CHSY3: variants seen among roughly 807,000 people sequenced by gnomAD.
CHSY3 encodes N-acetylgalactosaminyl-proteoglycan 3-beta-glucuronosyltransferase 3.
CHSY3 carries 35 observed loss-of-function variants against 67.2 expected under a neutral mutation model. The ratio of observed to expected loss-of-function variants is 0.52; its 90% CI spans 0.40 to 0.69. The LOEUF (loss-of-function observed/expected upper bound fraction) is 0.69, where lower values mean the gene tolerates loss of function less well. CHSY3 is among the 30% of genes least tolerant of loss of function. CHSY3 has a pLI of 0.00. For missense variants in CHSY3, 1,069 were observed against 1,138.5 expected (o/e 0.94, Z 0.88); for synonymous variants, 474 against 434.7 (o/e 1.09, Z -1.12).
chr5:130,091,236 T>C (rs749367583), intron 2 of CHSY3, among the ~76,000 whole-genome samples: 25 of 152,284 alleles, frequency 1.6e-4, no homozygotes, highest in Non-Finnish European at 2.5e-4. Context: ...CCTTTTAGTA[T>C]GTAATTATCC....
intron 2 of CHSY3, among the ~76,000 whole-genome samples, chr5:129,998,968 A>G (rs1004172741): frequency 1.3e-5 from 2 of 152,004 alleles, no homozygotes; most frequent in Non-Finnish European, 2.9e-5. Flanking sequence ...CTTCTGTGTT[A>G]TTTGACATAC....
At chr5:130,089,614 T>C (rs1766807499) in intron 2 of CHSY3, among the ~76,000 whole-genome samples, 1 of 152,124 alleles carries the variant, frequency 6.6e-6, no homozygotes, top group Non-Finnish European at 1.5e-5. Context: ...AAATATTTGT[T>C]AAATTGCTGT....
At chr5:130,064,075 T>TA (rs1017190927) in intron 2 of CHSY3, among the ~76,000 whole-genome samples, 1 of 152,026 alleles carries the variant, frequency 6.6e-6, no homozygotes, top group Non-Finnish European at 1.5e-5. Flanking sequence ...CAGACTCTAA[T>TA]AAAAAAAGTA....
At chr5:130,156,639 G>A (rs1769381460) in intron 2 of CHSY3, among the ~76,000 whole-genome samples, 1 of 152,184 alleles carries the variant, frequency 6.6e-6, no homozygotes, top group South Asian at 2.1e-4. Flanking sequence ...TCCACTCAGT[G>A]CTCAAAGAGG....
rs542005886 is a variant in CHSY3, at chr5:129,948,313, C to T, written c.1086+39953C>T. The stretch of plus-strand genomic sequence containing the variant: ...AGTAGTATATGTTATACCCACTTTA[C>T]GGTCTTTATCCCTCACCCCTCCTTC... On this transcript the variant is annotated intron_variant, in intron 2 of 2. Transcript: ENST00000305031. 2.0e-4 allele frequency among the ~76,000 whole-genome samples: 31 copies of T among 152,232 alleles called. No homozygotes were observed. In the South Asian group the frequency reaches 5.2e-3, roughly 25 times the overall value.
chr5:129,986,251 T>G (rs985826507), intron 2 of CHSY3, among the ~76,000 whole-genome samples: 1 of 152,208 alleles, frequency 6.6e-6, no homozygotes, highest in Non-Finnish European at 1.5e-5. Flanking sequence ...TGTTGAATTT[T>G]AGCTAAAGCC....
intron 2 of CHSY3, among the ~76,000 whole-genome samples, chr5:130,177,297 T>A: frequency 6.6e-6 from 1 of 151,934 alleles, no homozygotes; most frequent in Non-Finnish European, 1.5e-5. Context: ...GGGTTTTCTG[T>A]CAATTTATTT....
intron 2 of CHSY3, among the ~76,000 whole-genome samples, chr5:130,086,273 G>C (rs1645315518): frequency 6.6e-6 from 1 of 152,024 alleles, no homozygotes; most frequent in South Asian, 2.1e-4. Context: ...CTCAGGACTT[G>C]CTTTATGAAT....
chr5:130,051,806 G>A (rs1765365715), intron 2 of CHSY3, among the ~76,000 whole-genome samples: 1 of 152,050 alleles, frequency 6.6e-6, no homozygotes, highest in African/African-American at 2.4e-5. Flanking sequence ...ATTGTGAATG[G>A]ACTTGTAAAC....
chr5:129,921,950 T>C (rs1354765856), intron 2 of CHSY3, among the ~76,000 whole-genome samples: 1 of 152,158 alleles, frequency 6.6e-6, no homozygotes, highest in African/African-American at 2.4e-5. Flanking sequence ...TCATTCTATC[T>C]AACTGTATTT....
At chr5:129,904,219 G>A (rs372267671), upstream of CHSY3, among the ~76,000 whole-genome samples, 1 of 151,982 alleles carries the variant, frequency 6.6e-6, no homozygotes, top group African/African-American at 2.4e-5. Flanking sequence ...GCTGCAAGCC[G>A]GAGGCGGCCC....
At position 129,905,065 on chromosome 5, in the gene CHSY3, C is replaced by T; in HGVS notation, c.236C>T (p.Ala79Val). 2 of 1,546,276 alleles carry T rather than the reference C, an allele frequency of 1.3e-6. No individual in the cohort carries two copies. The highest frequency in any genetic ancestry group is 1.7e-6 in the Non-Finnish European group (2 of 1,152,354). The change falls in exon 1 of 3, where the codon GCG becomes GTG. Residue 79 changes from alanine (A) to valine (V), a missense_variant. Physicochemically the swap from Ala to Val is moderately conservative, Grantham distance 64. Transcript: ENST00000305031. ...CGGCAGGAGCAGTCGCCGCCCCCCG[C>T]GCGCCAGGATCTCCAGGGGCCACCG... The part of the protein sequence containing the change: ...RPRQEQSPPP[A>V]RQDLQGPPLP...
In CHSY3 at chr5:129,987,985, T is replaced by C. The variant is rs141998597; in HGVS notation, c.1086+79625T>C. ...TTCTTGCAGTGTGCCATGATATTTA[T>C]AAGTATTAAAATTTTTTAGGTACCT... On this transcript the variant is annotated intron_variant, in intron 2 of 2. Coordinates refer to ENST00000305031, the MANE Select transcript of CHSY3 (RefSeq NM_175856.5). 1.2e-3 allele frequency among the ~76,000 whole-genome samples: 186 copies of C among 152,278 alleles called. 1 individual carries two copies. Among genetic ancestry groups the C allele is most frequent in the African/African-American group, 4.3e-3 (180 of 41,570 alleles).
At chr5:130,030,389 T>A (rs1015284782) in intron 2 of CHSY3, among the ~76,000 whole-genome samples, 1 of 152,162 alleles carries the variant, frequency 6.6e-6, no homozygotes, top group Non-Finnish European at 1.5e-5. Flanking sequence ...TTTAAAAAAC[T>A]GTATATGCTA....
At chr5:129,964,604 TA>T (rs1762422327) in intron 2 of CHSY3, among the ~76,000 whole-genome samples, 1 of 151,792 alleles carries the variant, frequency 6.6e-6, no homozygotes, top group African/African-American at 2.4e-5. Flanking sequence ...TATCTCGTCT[TA>T]TTTTAACAGC....
chr5:129,936,043 A>C (rs990038042), intron 2 of CHSY3, among the ~76,000 whole-genome samples: 1 of 152,202 alleles, frequency 6.6e-6, no homozygotes, highest in African/African-American at 2.4e-5. Flanking sequence ...ATTAAATGGT[A>C]ATCTATATTT....
At chr5:130,042,618 T>A (rs1284019996) in intron 2 of CHSY3, among the ~76,000 whole-genome samples, 5 of 152,154 alleles carry the variant, frequency 3.3e-5, no homozygotes, top group African/African-American at 1.2e-4. Flanking sequence ...TCTATAAGAT[T>A]TTTTTATTTT....
intron 2 of CHSY3, among the ~76,000 whole-genome samples, chr5:129,919,663 G>T (rs1581365908): frequency 1.3e-5 from 2 of 152,296 alleles, no homozygotes; most frequent in South Asian, 4.1e-4. Flanking sequence ...CCATGATTCA[G>T]TTATCTCCCC....
chr5:130,132,274 T>A lies in CHSY3; in HGVS notation c.1087-51955T>A, dbSNP rs370475975. ...AAGCTCTCTTCAAGATCAGAGATAATCTCTGAAAAAGCATGGTTATTCCTG... is the reference window on the plus strand; with the variant it reads ...AAGCTCTCTTCAAGATCAGAGATAAACTCTGAAAAAGCATGGTTATTCCTG... On this transcript the variant is annotated intron_variant, in intron 2 of 2. Transcript: ENST00000305031. Among the ~76,000 whole-genome samples the A allele has an allele frequency of 1.4e-4, 21 of 152,248 alleles. No individual in the cohort carries two copies. The South Asian group carries it at 3.9e-3, about 29-fold the overall frequency.
Sources: allele counts gnomAD v4.1 joint callset (sites outside exome capture counted in the v4.1 genomes callset), GRCh38; gene constraint gnomAD v4.1.1; transcripts MANE v1.5; gene names NCBI Gene and HGNC (gene_info 2026-07-23, HGNC 2026-07-21).